RAP1GDS1: variants seen among roughly 807,000 people sequenced by gnomAD.
The protein encoded by RAP1GDS1 is RAP1, GTP-GDP dissociation stimulator 1.
A neutral mutation model predicts 71.1 loss-of-function variants in RAP1GDS1; 35 were observed. The ratio of observed to expected loss-of-function variants is 0.49; its 90% CI spans 0.38 to 0.65. The LOEUF (loss-of-function observed/expected upper bound fraction) is 0.65. Ranked by LOEUF, RAP1GDS1 falls within the 30% of genes least tolerant of loss-of-function variation. The pLI is 0.00. For missense variants in RAP1GDS1, 663 were observed against 706.1 expected (o/e 0.94, Z 0.69); for synonymous variants, 229 against 243.1 (o/e 0.94, Z 0.54).
chr4:98,326,354 A>C (rs1156771595), intron 2 of RAP1GDS1, among the ~76,000 whole-genome samples: 1 of 152,080 alleles, frequency 6.6e-6, no homozygotes, highest in Admixed American at 6.6e-5. Flanking sequence ...ATTAATATCA[A>C]ATTTCTACTT....
rs571608572 is a variant in RAP1GDS1 at position 98,399,134 on chromosome 4, A to G, written c.638-5343A>G. ...ACTATAAAACTAGTAGGCAAAAACA[A>G]AAGAGAAATGCTTCAGGACATTGGT... On this transcript the variant is annotated intron_variant, in intron 6 of 14. Coordinates refer to ENST00000408927, the MANE Select transcript of RAP1GDS1 (RefSeq NM_001100427.2). Among the ~76,000 whole-genome samples, 37 of 152,298 alleles carry G rather than the reference A, an allele frequency of 2.4e-4. 1 individual carries two copies. The South Asian group carries it at 7.0e-3, about 29-fold the overall frequency.
intron 1 of RAP1GDS1, among the ~76,000 whole-genome samples, chr4:98,272,219 T>C (rs1377241106): frequency 6.6e-6 from 1 of 152,208 alleles, no homozygotes; most frequent in Non-Finnish European, 1.5e-5. Flanking sequence ...TTTAAATAAT[T>C]ATTACTAGGC....
chr4:98,404,756 C>A (rs1745892163), intron 7 of RAP1GDS1, among the ~76,000 whole-genome samples, 154 bp downstream of exon 7: 1 of 152,110 alleles, frequency 6.6e-6, no homozygotes, highest in Non-Finnish European at 1.5e-5. Flanking sequence ...ATGTTATCTA[C>A]TCCATAGCTA....
chr4:98,309,012 G>C (rs1729813200), intron 2 of RAP1GDS1, among the ~76,000 whole-genome samples: 1 of 151,866 alleles, frequency 6.6e-6, no homozygotes, highest in Non-Finnish European at 1.5e-5. Flanking sequence ...TCATTTATTT[G>C]TTTATATTAT....
intron 4 of RAP1GDS1, among the ~76,000 whole-genome samples, chr4:98,363,642 A>G (rs572446735): frequency 1.3e-5 from 2 of 152,278 alleles, no homozygotes; most frequent in South Asian, 4.2e-4. Flanking sequence ...TTGATGATAG[A>G]AAGCCTCATG....
intron 2 of RAP1GDS1, among the ~76,000 whole-genome samples, chr4:98,317,812 C>A (rs1553969007): frequency 1.5e-5 from 2 of 129,546 alleles, no homozygotes; most frequent in Non-Finnish European, 3.3e-5. Flanking sequence ...TGATATTTGA[C>A]TATATATATA....
At chr4:98,382,341 T>G (rs1742137615) in intron 5 of RAP1GDS1, among the ~76,000 whole-genome samples, 1 of 151,608 alleles carries the variant, frequency 6.6e-6, no homozygotes, top group Admixed American at 6.6e-5. Context: ...TGTTTTAAAT[T>G]TATCCATTTT....
In RAP1GDS1 at chr4:98,398,264, TAAG is replaced by T. The variant is rs1430892424; in HGVS notation, c.637+6189_637+6191del. 4.0e-5 allele frequency among the ~76,000 whole-genome samples: 6 copies of T among 151,502 alleles called. No homozygotes were observed. In the East Asian group the frequency reaches 5.8e-4, roughly 15 times the overall value. ...GAGATAGAAAATAAAAGAGAAAATA[TAAG>T]AAGATCAGACCAAGAGTATTAGAAA... On this transcript the variant is annotated intron_variant, in intron 6 of 14. Transcript: ENST00000408927.
intron 5 of RAP1GDS1, among the ~76,000 whole-genome samples, chr4:98,383,144 G>A (rs906597557): frequency 2.6e-5 from 4 of 151,622 alleles, no homozygotes; most frequent in African/African-American, 9.7e-5. Context: ...AATATCTCAT[G>A]GAAGGTGTAA....
intron 2 of RAP1GDS1, among the ~76,000 whole-genome samples, chr4:98,294,192 G>A (rs1454476350): frequency 6.6e-6 from 1 of 151,720 alleles, no homozygotes; most frequent in Non-Finnish European, 1.5e-5. Flanking sequence ...ATTTTCATTT[G>A]TTATCTTAAT....
intron 2 of RAP1GDS1, among the ~76,000 whole-genome samples, chr4:98,297,176 CA>C (rs1381460272): frequency 6.6e-6 from 1 of 152,126 alleles, no homozygotes; most frequent in East Asian, 1.9e-4. Flanking sequence ...TCTAGTTCCA[CA>C]TCTCTAATCT....
chr4:98,341,872 A>G (rs568006437), intron 2 of RAP1GDS1, among the ~76,000 whole-genome samples: 3 of 152,324 alleles, frequency 2.0e-5, no homozygotes, highest in South Asian at 2.1e-4. Context: ...CCTCAAACCC[A>G]TGATTGGAAA....
intron 4 of RAP1GDS1, among the ~76,000 whole-genome samples, chr4:98,372,867 T>C (rs537670145): frequency 6.6e-5 from 10 of 151,866 alleles, no homozygotes; most frequent in Admixed American, 3.3e-4. Context: ...TTTTTTCCTT[T>C]TGAGTAGAGA....
chr4:98,372,195 C>G (rs1015591627), intron 4 of RAP1GDS1, among the ~76,000 whole-genome samples: 1 of 152,034 alleles, frequency 6.6e-6, no homozygotes, highest in African/African-American at 2.4e-5. Flanking sequence ...TGGAGTCTTG[C>G]TCTGCCACCC....
At chr4:98,291,601 A>G (rs1325502036) in intron 1 of RAP1GDS1, among the ~76,000 whole-genome samples, 15 of 152,216 alleles carry the variant, frequency 9.9e-5, no homozygotes, top group Non-Finnish European at 2.9e-5. Context: ...GCTAGAATTT[A>G]AAATATCTGC....
intron 5 of RAP1GDS1, among the ~76,000 whole-genome samples, chr4:98,383,630 TG>T (rs1246105454): frequency 1.3e-5 from 2 of 151,530 alleles, no homozygotes; most frequent in Non-Finnish European, 3.0e-5. Context: ...GTGTAACACC[TG>T]TGGCATATTA....
chr4:98,282,717 G>A (rs943831734), intron 1 of RAP1GDS1, among the ~76,000 whole-genome samples: 2 of 151,804 alleles, frequency 1.3e-5, no homozygotes, highest in African/African-American at 4.8e-5. Flanking sequence ...ATGTTAGAAT[G>A]TCTATTTTAG....
chr4:98,425,059 T>C (rs1196209634), intron 12 of RAP1GDS1, among the ~76,000 whole-genome samples: 1 of 152,140 alleles, frequency 6.6e-6, no homozygotes, highest in African/African-American at 2.4e-5. Flanking sequence ...CCCTACAAGC[T>C]AGAAAGGATT....
At chr4:98,312,742 TAGAG>T (rs1225391538) in intron 2 of RAP1GDS1, among the ~76,000 whole-genome samples, 1 of 151,314 alleles carries the variant, frequency 6.6e-6, no homozygotes, top group Non-Finnish European at 1.5e-5. Flanking sequence ...TATATATATA[TAGAG>T]AGAGAAATAG....
Sources: gnomAD v4.1 joint callset for allele counts (sites outside exome capture counted in the v4.1 genomes callset) on GRCh38, gnomAD v4.1.1 for gene constraint, MANE v1.5 for transcripts, NCBI Gene and HGNC (gene_info 2026-07-23, HGNC 2026-07-21) for gene names.